The following MACROD2 variants were observed in gnomAD, a reference collection of about 807,000 sequenced individuals.
The protein encoded by MACROD2 is ADP-ribose glycohydrolase MACROD2.
MACROD2 carries 36 observed loss-of-function variants against 70.4 expected under a neutral mutation model. The observed-to-expected ratio is 0.51, with a 90% CI of 0.39 to 0.68. The LOEUF (loss-of-function observed/expected upper bound fraction) is 0.68. Among genes scored for constraint, MACROD2 ranks in the 30% least tolerant of loss-of-function variants. The probability of loss-of-function intolerance (pLI) is 0.00; values close to 1 mark genes in which losing one functional copy is unlikely to be tolerated. For synonymous variants in MACROD2, 172 were observed against 178.8 expected, an observed-to-expected ratio of 0.96 and a Z score of 0.30; for missense variants, 496 against 538.4, an observed-to-expected ratio of 0.92 and a Z score of 0.78.
At chr20:15,053,205 A>G (rs1051124738) in intron 5 of MACROD2, among the ~76,000 whole-genome samples, 6 of 152,192 alleles carry the variant, frequency 3.9e-5, no homozygotes, top group Non-Finnish European at 2.9e-5. Context: ...ATCCAGATCT[A>G]GCTAAATTTA....
chr20:15,482,313 G>A (rs1002238090), intron 7 of MACROD2, among the ~76,000 whole-genome samples: 1 of 152,106 alleles, frequency 6.6e-6, no homozygotes, highest in Admixed American at 6.5e-5. Context: ...TATACAGATG[G>A]CAAGTAAGCA....
chr20:14,184,365 T>C (rs1319564583), intron 3 of MACROD2, among the ~76,000 whole-genome samples: 1 of 152,162 alleles, frequency 6.6e-6, no homozygotes, highest in Non-Finnish European at 1.5e-5. Flanking sequence ...CTGGTTTCTC[T>C]ATTCTGTTGC....
intron 8 of MACROD2, among the ~76,000 whole-genome samples, chr20:15,530,167 T>C (rs117198518): frequency 0.045 from 6,817 of 152,310 alleles, 171 homozygotes; most frequent in South Asian, 0.13. Context: ...AATTAGCTGC[T>C]GTCCCTCTAC....
intron 4 of MACROD2, among the ~76,000 whole-genome samples, chr20:14,640,028 T>G (rs564210785): frequency 1.8e-3 from 279 of 152,296 alleles, no homozygotes; most frequent in African/African-American, 6.4e-3. Flanking sequence ...TTTACTTTTT[T>G]GGTACTTCGG....
intron 8 of MACROD2, among the ~76,000 whole-genome samples, chr20:15,751,078 T>C (rs1016698848): frequency 2.0e-5 from 3 of 151,962 alleles, no homozygotes; most frequent in African/African-American, 7.2e-5. Flanking sequence ...TGGGATTCTA[T>C]TGCACAGATA....
At chr20:14,984,284 T>A (rs1430180256) in intron 5 of MACROD2, among the ~76,000 whole-genome samples, 1 of 152,194 alleles carries the variant, frequency 6.6e-6, no homozygotes, top group Admixed American at 6.5e-5. Context: ...AGATGGCCCC[T>A]GGGATGTTCT....
chr20:14,364,025 G>T (rs1277095106), intron 3 of MACROD2, among the ~76,000 whole-genome samples: 1 of 151,854 alleles, frequency 6.6e-6, no homozygotes, highest in Non-Finnish European at 1.5e-5. Context: ...CGAACTCTAG[G>T]GGTTTGGGGC....
intron 5 of MACROD2, among the ~76,000 whole-genome samples, chr20:15,095,383 T>G (rs2075823328): frequency 6.6e-6 from 1 of 151,472 alleles, no homozygotes; most frequent in African/African-American, 2.4e-5. Context: ...CCTGCTGTGG[T>G]CTCTAATGAG....
intron 3 of MACROD2, among the ~76,000 whole-genome samples, chr20:14,140,060 A>T (rs117698405): frequency 0.012 from 1,845 of 152,324 alleles, 19 homozygotes; most frequent in South Asian, 0.037. Context: ...AAAAATCAAA[A>T]TTCAAAACAC....
At chr20:15,363,692 G>A (rs2078378813) in intron 6 of MACROD2, among the ~76,000 whole-genome samples, 1 of 152,076 alleles carries the variant, frequency 6.6e-6, no homozygotes, top group Non-Finnish European at 1.5e-5. Flanking sequence ...CAAGAGGTAG[G>A]GAAAGAAATT....
At chr20:14,324,571 T>G (rs1482240940) in intron 3 of MACROD2, 1 of 152,240 alleles carries the variant, frequency 6.6e-6, no homozygotes, top group East Asian at 1.9e-4. Flanking sequence ...TTCTCTGGAT[T>G]GTTGAGGGGA....
chr20:15,152,628 C>T (rs1324506777), intron 5 of MACROD2, among the ~76,000 whole-genome samples: 5 of 124,502 alleles, frequency 4.0e-5, no homozygotes, highest in East Asian at 2.5e-4. Flanking sequence ...CCCAGAAAAG[C>T]GGAGAAGGGG....
intron 5 of MACROD2, among the ~76,000 whole-genome samples, chr20:14,766,929 C>G (rs76794703): frequency 6.6e-6 from 1 of 152,100 alleles, no homozygotes; most frequent in South Asian, 2.1e-4. Context: ...ATAAATGATA[C>G]TTAAATATTT....
At chr20:15,627,877 A>G (rs1393092001) in intron 8 of MACROD2, among the ~76,000 whole-genome samples, 1 of 152,218 alleles carries the variant, frequency 6.6e-6, no homozygotes, top group Non-Finnish European at 1.5e-5. Flanking sequence ...AGCTTAGCCT[A>G]AGACCAGGAA....
In MACROD2 at chr20:15,675,625, A is replaced by G. The variant is rs947866805; in HGVS notation, c.645+175778A>G. Among the ~76,000 whole-genome samples the G allele has an allele frequency of 9.2e-5, 14 of 152,338 alleles. No individual in the cohort carries two copies. In the East Asian group the frequency reaches 1.5e-3, roughly 17 times the overall value. On this transcript the variant is annotated intron_variant, in intron 8 of 17. Coordinates refer to ENST00000684519, the MANE Select transcript of MACROD2 (RefSeq NM_001351661.2). ...ACCATATCAGCTAATAAGAAAATGT[A>G]TCATTTATAATGATTCATGAATTTG...
intron 6 of MACROD2, among the ~76,000 whole-genome samples, chr20:15,300,441 T>G (rs928765293): frequency 5.3e-5 from 8 of 152,158 alleles, no homozygotes; most frequent in African/African-American, 1.9e-4. Context: ...GCAGGGAAAT[T>G]TGGGAACCAC....
intron 4 of MACROD2, among the ~76,000 whole-genome samples, chr20:14,534,200 G>C (rs573738603): frequency 6.6e-6 from 1 of 152,188 alleles, no homozygotes; most frequent in Non-Finnish European, 1.5e-5. Flanking sequence ...AGATTCGAGC[G>C]TTGCTTTATC....
At position 14,256,452 on chromosome 20, in the gene MACROD2, CA is replaced by C. The variant is rs752638084; in HGVS notation, c.271+170725del. ...TACATGATTATTGATTTATATTAGA[CA>C]TTTTTTTGTTTTAAAATTTAGCAAA... On this transcript the variant is annotated intron_variant, in intron 3 of 17. Coordinates refer to ENST00000684519, the MANE Select transcript of MACROD2 (RefSeq NM_001351661.2). 7.9e-5 allele frequency among the ~76,000 whole-genome samples: 12 copies of C among 152,146 alleles called. No homozygotes were observed. The East Asian group carries it at 1.4e-3, about 17-fold the overall frequency.
intron 3 of MACROD2, among the ~76,000 whole-genome samples, chr20:14,411,494 G>A (rs981271533): frequency 6.6e-6 from 1 of 152,160 alleles, no homozygotes; most frequent in African/African-American, 2.4e-5. Flanking sequence ...CCATAATGCT[G>A]TTGGGTATGT....
Sources: allele counts gnomAD v4.1 joint callset (sites outside exome capture counted in the v4.1 genomes callset), GRCh38; gene constraint gnomAD v4.1.1; transcripts MANE v1.5; gene names NCBI Gene and HGNC (gene_info 2026-07-23, HGNC 2026-07-21).